ALPK3: variants seen among roughly 807,000 people sequenced by gnomAD.
ALPK3 encodes alpha kinase 3.
ALPK3 carries 102 observed loss-of-function variants against 140.0 expected under a neutral mutation model. That is an observed-to-expected ratio of 0.73 (90% confidence interval 0.62 to 0.86). The LOEUF (loss-of-function observed/expected upper bound fraction) is 0.86. ALPK3 is among the 40% of genes least tolerant of loss of function. The probability of loss-of-function intolerance (pLI) is 0.00; values close to 1 mark genes in which losing one functional copy is unlikely to be tolerated. For synonymous variants in ALPK3, 938 were observed against 898.5 expected (o/e 1.04, Z -0.79); for missense variants, 2,254 against 2,208.2 (o/e 1.02, Z -0.42).
intron 2 of ALPK3, among the ~76,000 whole-genome samples, chr15:84,826,579 G>T (rs542823299): frequency 6.6e-6 from 1 of 152,220 alleles, no homozygotes; most frequent in Admixed American, 6.5e-5. Context: ...ATGGTAGTTT[G>T]CTTCCTGGGC....
At chr15:84,824,151 A>G (rs1963459325) in intron 2 of ALPK3, among the ~76,000 whole-genome samples, 1 of 151,988 alleles carries the variant, frequency 6.6e-6, no homozygotes, top group Non-Finnish European at 1.5e-5. Context: ...TCTTTCTCTG[A>G]ATTTTCCTTT....
chr15:84,840,697 A>G lies in ALPK3; in HGVS notation c.1418A>G (p.Gln473Arg). ...CAGCCCACACACTCCTTGACCCCCC[A>G]GCCGACTAGGCCTTTCAACAGAAAG... ...PGQPTHSLTP[Q>R]PTRPFNRKRF... Residue 473 changes from glutamine (Q) to arginine (R), a missense_variant, in exon 5 of 14, where the codon CAG becomes CGG. Gln to Arg is a conservative substitution (Grantham distance 43). Around this residue, in one of 3 missense-constraint regions of ALPK3, gnomAD observed 2,088 missense variants for 2,022.9 expected, o/e 1.03. Transcript: ENST00000258888. 1 of 1,609,936 alleles carries G rather than the reference A, an allele frequency of 6.2e-7. No homozygotes were observed. The highest frequency in any genetic ancestry group is 8.5e-7 in the Non-Finnish European group (1 of 1,177,950).
chr15:84,837,810 T>C (rs1394047665), intron 3 of ALPK3, among the ~76,000 whole-genome samples: 1 of 152,220 alleles, frequency 6.6e-6, no homozygotes, highest in Non-Finnish European at 1.5e-5. Context: ...CAACTTCCTT[T>C]TTCCATCTCT....
At chr15:84,850,914 A>ACACACACACACACACACC (rs1434291716) in intron 5 of ALPK3, among the ~76,000 whole-genome samples, 32 of 149,236 alleles carry the variant, frequency 2.1e-4, no homozygotes, top group Admixed American at 1.2e-3. Flanking sequence ...ACACACACAC[A>ACACACACACACACACACC]CCCTCTGTCA....
chr15:84,822,444 G>T (rs771645723), intron 1 of ALPK3, among the ~76,000 whole-genome samples: 2 of 152,276 alleles, frequency 1.3e-5, no homozygotes, highest in Middle Eastern at 3.4e-3. Flanking sequence ...GAGCACCATT[G>T]AACAGGCTGG....
At chr15:84,862,594 A>G (rs746422842) in intron 9 of ALPK3, 41 bp from the exon 10 acceptor site, 2 of 1,560,966 alleles carry the variant, frequency 1.3e-6, no homozygotes, top group East Asian at 2.3e-5. Context: ...TTGGTGAGAC[A>G]GGAGCTCCTG....
In ALPK3 at chr15:84,858,471, G is replaced by A. The variant is rs773569562; in HGVS notation, c.3733G>A (p.Gly1245Ser). ...AGDLGPSPKA[G>S]GLDTEVALDE... The stretch of plus-strand genomic sequence containing the variant: ...AGACCTGGGCCCCAGCCCCAAGGCC[G>A]GCGGTCTGGACACAGAGGTGGCCCT... Residue 1245 changes from glycine (G) to serine (S), a missense_variant, in exon 6 of 14, where the codon GGC becomes AGC. Physicochemically the swap from Gly to Ser is moderately conservative, Grantham distance 56 (BLOSUM62 0). Transcript: ENST00000258888. 43 of 1,572,586 alleles carry A rather than the reference G, an allele frequency of 2.7e-5. No individual in the cohort carries two copies. The highest frequency in any genetic ancestry group is 3.5e-5 in the Non-Finnish European group (41 of 1,164,042).
chr15:84,866,257 A>G (rs886517142), intron 12 of ALPK3, among the ~76,000 whole-genome samples: 2 of 152,358 alleles, frequency 1.3e-5, no homozygotes, highest in Admixed American at 6.5e-5. Context: ...ATAAATCAAT[A>G]TTTATCACAT....
intron 1 of ALPK3, 151 bp downstream of exon 1, chr15:84,817,746 G>T: frequency 1.9e-6 from 2 of 1,057,724 alleles, no homozygotes; most frequent in Non-Finnish European, 2.5e-6. Flanking sequence ...ACATGGCCGG[G>T]CTGGAATGGC....
chr15:84,862,634 GT>G lies in ALPK3; in HGVS notation c.4131del (p.Gly1378GlufsTer6). 1 of 1,603,344 alleles carries G rather than the reference GT, an allele frequency of 6.2e-7. No individual in the cohort carries two copies. On this transcript the variant is annotated frameshift_variant and splice_region_variant, in exon 10 of 14. Coordinates refer to ENST00000258888, the MANE Select transcript of ALPK3 (RefSeq NM_020778.5). LOFTEE classifies it high-confidence loss of function. ...CCCACATTTCTCCTGTTCCCCTTCA[GT>G]TGGAGAAGAGATTGAGATGACCCCT... is the stretch of plus-strand genomic sequence containing the variant. ...SGFISREEGE[V>X]GEEIEMTPMV...
intron 12 of ALPK3, 118 bp from the exon 13 acceptor site, chr15:84,867,199 C>T (rs1964011717): frequency 1.1e-6 from 1 of 885,276 alleles, no homozygotes; most frequent in East Asian, 2.8e-5. Context: ...TCTAAGCCCC[C>T]ATGTCTCCAG....
intron 5 of ALPK3, among the ~76,000 whole-genome samples, chr15:84,848,423 A>C (rs1963761417): frequency 6.6e-6 from 1 of 152,176 alleles, no homozygotes; most frequent in South Asian, 2.1e-4. Context: ...TTAAGTATGT[A>C]TATTGTAAGC....
At chr15:84,825,016 T>C (rs906248326) in intron 2 of ALPK3, among the ~76,000 whole-genome samples, 12 of 152,200 alleles carry the variant, frequency 7.9e-5, no homozygotes, top group African/African-American at 2.7e-4. Flanking sequence ...CCCACTTCCC[T>C]GAAAGAGAAG....
chr15:84,823,831 C>T (rs1054883192), intron 2 of ALPK3, among the ~76,000 whole-genome samples: 2 of 152,036 alleles, frequency 1.3e-5, no homozygotes, highest in African/African-American at 4.8e-5. Flanking sequence ...CTGCCTCAGC[C>T]TTCTGAGTAG....
At chr15:84,849,281 T>G (rs1421368662) in intron 5 of ALPK3, among the ~76,000 whole-genome samples, 1 of 152,090 alleles carries the variant, frequency 6.6e-6, no homozygotes, top group Non-Finnish European at 1.5e-5. Flanking sequence ...CTGACAGAAC[T>G]GAAAGTAGAA....
chr15:84,827,140 C>T (rs979947785), intron 2 of ALPK3, among the ~76,000 whole-genome samples: 1 of 152,184 alleles, frequency 6.6e-6, no homozygotes, highest in Non-Finnish European at 1.5e-5. Context: ...CCTCATGCAC[C>T]AGTGTCCCTG....
At chr15:84,848,247 T>TAA (rs149511884) in intron 5 of ALPK3, among the ~76,000 whole-genome samples, 1 of 143,308 alleles carries the variant, frequency 7.0e-6, no homozygotes, top group Non-Finnish European at 1.5e-5. Context: ...AGGTAAAAAG[T>TAA]AAAAAAAAAA....
chr15:84,838,080 C>A (rs1313508960), intron 3 of ALPK3, among the ~76,000 whole-genome samples: 1 of 152,120 alleles, frequency 6.6e-6, no homozygotes. Context: ...AGGGGCTGGG[C>A]AGACACCTCA....
rs1963825185 is a variant in ALPK3, at chr15:84,853,164, A to T, written c.1654-3228A>T. Among the ~76,000 whole-genome samples, 6 of 152,236 alleles carry T rather than the reference A, an allele frequency of 3.9e-5. No homozygotes were observed. In the South Asian group the frequency reaches 1.2e-3, roughly 32 times the overall value. On this transcript the variant is annotated intron_variant, in intron 5 of 13. Coordinates refer to ENST00000258888, the MANE Select transcript of ALPK3 (RefSeq NM_020778.5). Reference sequence around the variant, plus strand: ...GTCTGCACCTTCTTTGTAGATTTATAGATCTTATGTCTTTATTAACATTTT... The same window carrying T: ...GTCTGCACCTTCTTTGTAGATTTATTGATCTTATGTCTTTATTAACATTTT...
Sources: gnomAD v4.1 joint callset for allele counts (sites outside exome capture counted in the v4.1 genomes callset) on GRCh38, gnomAD v4.1.1 for gene constraint, gnomAD v4.1.1 regional missense constraint, MANE v1.5 for transcripts, NCBI Gene and HGNC (gene_info 2026-07-23, HGNC 2026-07-21) for gene names.